The following KIF6 variants were observed in gnomAD, a reference collection of about 807,000 sequenced individuals.
The protein encoded by KIF6 is kinesin-like protein KIF6.
In KIF6, 106 loss-of-function variants were observed where a neutral mutation model predicts 112.7. The ratio of observed to expected loss-of-function variants is 0.94; its 90% confidence interval spans 0.80 to 1.11. The LOEUF is 1.11. KIF6 is among the 50% of genes least tolerant of loss of function. The pLI is 0.00. For synonymous variants in KIF6, 339 were observed against 339.9 expected, an observed-to-expected ratio of 1.00 and a Z score of 0.03; for missense variants, 929 against 964.0, an observed-to-expected ratio of 0.96 and a Z score of 0.48.
intron 15 of KIF6, among the ~76,000 whole-genome samples, chr6:39,387,013 G>A (rs920525974): frequency 6.6e-6 from 1 of 152,184 alleles, no homozygotes; most frequent in Non-Finnish European, 1.5e-5. Flanking sequence ...AGTCACAAGA[G>A]ACTTTATCAT....
intron 13 of KIF6, among the ~76,000 whole-genome samples, chr6:39,462,801 C>CATATATATATATATATATATA: frequency 6.6e-6 from 1 of 151,938 alleles, no homozygotes; most frequent in Admixed American, 6.6e-5. Context: ...ATATTTGCTA[C>CATATATATATATATATATATA]TAGATTATAA....
intron 13 of KIF6, among the ~76,000 whole-genome samples, chr6:39,512,571 GTCTC>G (rs1235731400): frequency 6.6e-6 from 1 of 152,164 alleles, no homozygotes. Context: ...AGGCTTGTGT[GTCTC>G]TCTGTCACAG....
At chr6:39,350,860 CCAA>C (rs1764188963) in intron 19 of KIF6, among the ~76,000 whole-genome samples, 1 of 152,208 alleles carries the variant, frequency 6.6e-6, no homozygotes. Flanking sequence ...TGCTGGCACT[CCAA>C]CAACTGTTGG....
chr6:39,501,512 T>C (rs1204123481), intron 13 of KIF6, among the ~76,000 whole-genome samples: 1 of 152,160 alleles, frequency 6.6e-6, no homozygotes, highest in Non-Finnish European at 1.5e-5. Flanking sequence ...CTTCAGAATG[T>C]GGATAATAAT....
chr6:39,367,979 T>A (rs1436086172), intron 16 of KIF6, among the ~76,000 whole-genome samples: 2 of 152,160 alleles, frequency 1.3e-5, no homozygotes, highest in Admixed American at 1.3e-4. Flanking sequence ...TCACCCCTTG[T>A]TAAGAAACAC....
intron 19 of KIF6, among the ~76,000 whole-genome samples, chr6:39,351,695 T>C (rs1168756050): frequency 6.6e-6 from 1 of 152,154 alleles, no homozygotes; most frequent in African/African-American, 2.4e-5. Context: ...AGACAGGGCT[T>C]TCTACTCGCT....
At chr6:39,680,861 A>T (rs1787469757) in intron 3 of KIF6, among the ~76,000 whole-genome samples, 1 of 152,206 alleles carries the variant, frequency 6.6e-6, no homozygotes, top group East Asian at 1.9e-4. Context: ...AGGGAATAGA[A>T]GAAGGACTGC....
chr6:39,434,585 C>CA lies in KIF6; in HGVS notation c.1646-3425dup, dbSNP rs148950547. 5.2e-3 allele frequency among the ~76,000 whole-genome samples: 769 copies of CA among 148,754 alleles called. 9 individuals are homozygous for CA. Among genetic ancestry groups the CA allele is most frequent in the African/African-American group, 0.018 (728 of 41,086 alleles). On this transcript the variant is annotated intron_variant, in intron 13 of 22. Transcript: ENST00000287152. The stretch of plus-strand genomic sequence containing the variant: ...GACTCCATCTCAAAACAAAACAAAA[C>CA]AAAAAAACAAAACAAAACAAAACAA...
chr6:39,409,301 T>C (rs1047764431), intron 15 of KIF6, among the ~76,000 whole-genome samples: 11 of 152,284 alleles, frequency 7.2e-5, no homozygotes, highest in Admixed American at 4.6e-4. Flanking sequence ...GCACTCCTAG[T>C]TGAAGTCCCT....
chr6:39,357,176 A>G lies in KIF6; in HGVS notation c.2180+101T>C. ...AAAGGAATTAATCCTGCTGGATCAT[A>G]TGGCTTATCAAGAGACATGAGAGCC... On this transcript the variant is annotated intron_variant, in intron 19 of 22. Coordinates refer to ENST00000287152, the MANE Select transcript of KIF6 (RefSeq NM_145027.6). 4.3e-6 allele frequency: 3 copies of G among 697,982 alleles called. No individual in the cohort carries two copies. In the South Asian group the frequency reaches 5.6e-5, roughly 13 times the overall value. The allele number at this position is 697,982 out of a possible 1,614,324, so 43.2% of individuals were successfully genotyped here.
intron 5 of KIF6, among the ~76,000 whole-genome samples, chr6:39,613,789 T>C (rs1783350309): frequency 6.6e-6 from 1 of 152,164 alleles, no homozygotes; most frequent in South Asian, 2.1e-4. Context: ...GTGATGAAAA[T>C]TGAGGCATCT....
intron 13 of KIF6, among the ~76,000 whole-genome samples, chr6:39,442,597 C>T (rs1771985392): frequency 6.6e-6 from 1 of 152,208 alleles, no homozygotes; most frequent in Non-Finnish European, 1.5e-5. Context: ...AGACAGCACG[C>T]TGTGGCTCCT....
intron 13 of KIF6, among the ~76,000 whole-genome samples, chr6:39,529,563 G>T (rs753983357): frequency 6.6e-6 from 1 of 152,222 alleles, no homozygotes; most frequent in Non-Finnish European, 1.5e-5. Context: ...AAGGTGGGCA[G>T]ATCACAAGGT....
rs755127596 is a variant in KIF6, at chr6:39,578,123, T to G, written c.1114A>C (p.Lys372Gln). 3.7e-6 allele frequency: 6 copies of G among 1,614,092 alleles called. No individual in the cohort carries two copies. The highest frequency in any genetic ancestry group is 5.1e-6 in the Non-Finnish European group (6 of 1,179,968). Residue 372 changes from lysine to glutamine, a missense_variant, in exon 10 of 23, where the codon AAG becomes CAG. Transcript: ENST00000287152. ...CCAGTGACCATGGCCAGTTCATCCT[T>G]CAGTTCCTGGATTTCCTTTTGTAGG... ...KRLQKEIQEL[K>Q]DELAMVTGEQ...
intron 15 of KIF6, among the ~76,000 whole-genome samples, chr6:39,404,192 A>C (rs1489468185): frequency 1.3e-5 from 2 of 152,072 alleles, no homozygotes; most frequent in Admixed American, 1.3e-4. Flanking sequence ...CTGATTTATT[A>C]CTTTAATTTT....
chr6:39,389,546 G>A (rs1767698798), intron 15 of KIF6, among the ~76,000 whole-genome samples: 1 of 152,100 alleles, frequency 6.6e-6, no homozygotes, highest in African/African-American at 2.4e-5. Context: ...GCAAATAGGT[G>A]GCCCGTGTGC....
intron 6 of KIF6, among the ~76,000 whole-genome samples, chr6:39,602,412 T>C (rs539247193): frequency 6.6e-6 from 1 of 152,264 alleles, no homozygotes; most frequent in African/African-American, 2.4e-5. Context: ...ATCTGAAAGA[T>C]TACTTCCTAC....
At position 39,341,954 on chromosome 6, in the gene KIF6, A is replaced by G. The variant is rs115347907; in HGVS notation, c.2428+1755T>C. On this transcript the variant is annotated intron_variant, in intron 22 of 22. Coordinates refer to ENST00000287152, the MANE Select transcript of KIF6 (RefSeq NM_145027.6). ...GACAAAGTGAGCTTTTTAAAGCATC[A>G]ATCACATCATATCACTCCATGGTTA... Among the ~76,000 whole-genome samples, 955 of 152,340 alleles carry G rather than the reference A, an allele frequency of 6.3e-3. 13 individuals carry two copies. Among genetic ancestry groups the G allele is most frequent in the African/African-American group, 0.021 (873 of 41,584 alleles).
chr6:39,609,600 A>T (rs1783097581), intron 6 of KIF6, among the ~76,000 whole-genome samples: 1 of 152,202 alleles, frequency 6.6e-6, no homozygotes, highest in Admixed American at 6.6e-5. Flanking sequence ...GAAGACATGA[A>T]CAAAAACAGA....
Sources: allele counts gnomAD v4.1 joint callset (sites outside exome capture counted in the v4.1 genomes callset), GRCh38; gene constraint gnomAD v4.1.1; transcripts MANE v1.5; gene names NCBI Gene and HGNC (gene_info 2026-07-23, HGNC 2026-07-21).